The following ORC1 variants were observed in gnomAD, a reference collection of about 807,000 sequenced individuals.
ORC1 encodes the protein origin recognition complex, subunit 1 homolog.
ORC1 carries 61 observed loss-of-function variants against 98.9 expected under a neutral mutation model. That is an observed-to-expected ratio of 0.62 (90% CI 0.50 to 0.76). The LOEUF is 0.76. Among genes scored for constraint, ORC1 ranks in the 30% least tolerant of loss-of-function variants. ORC1 has a pLI of 0.00. For missense variants in ORC1, 979 were observed against 1,072.2 expected (o/e 0.91, Z 1.21); for synonymous variants, 385 against 406.9 (o/e 0.95, Z 0.65).
upstream of ORC1, chr1:52,404,640 C>G (rs1263571311): frequency 8.0e-7 from 1 of 1,245,546 alleles, no homozygotes; most frequent in African/African-American, 1.5e-5. Flanking sequence ...GTCGCCTAAG[C>G]TGTTTAGTGA....
intron 2 of ORC1, 137 bp from the exon 3 acceptor site, chr1:52,401,626 C>G (rs1311241225): frequency 3.9e-6 from 4 of 1,020,584 alleles, no homozygotes; most frequent in Non-Finnish European, 6.0e-6. Context: ...GAAACCAATT[C>G]GCCCAGTTAT....
rs761844585 is a variant in ORC1 at position 52,385,935 on chromosome 1, C to A, written c.1398G>T (p.Thr466=). Reference sequence around the variant, plus strand: ...GGATCTGAGGAGCGGCACAACGTGGCGTTCTAGGCTTGAGCTGTATTGAAA... The same window carrying A: ...GGATCTGAGGAGCGGCACAACGTGGAGTTCTAGGCTTGAGCTGTATTGAAA... ...KVPKKSLKPR[T]PRCAAPQIRS... is the part of the protein sequence containing the mutation. The change falls in exon 9 of 17, where the codon ACG becomes ACT. Residue 466 remains threonine, a synonymous_variant. Coordinates refer to ENST00000371568, the MANE Select transcript of ORC1 (RefSeq NM_004153.4). 1.4e-5 allele frequency: 23 copies of A among 1,613,184 alleles called. No individual in the cohort carries two copies. The highest frequency in any genetic ancestry group is 1.9e-5 in the Non-Finnish European group (23 of 1,179,764).
chr1:52,392,953 T>G (rs6700516), intron 6 of ORC1, among the ~76,000 whole-genome samples: 75 of 152,286 alleles, frequency 4.9e-4, no homozygotes, highest in Non-Finnish European at 9.7e-4. Flanking sequence ...TAGGGTACAA[T>G]GTACACTGGT....
intron 3 of ORC1, among the ~76,000 whole-genome samples, chr1:52,400,781 T>C (rs901638052): frequency 1.3e-5 from 2 of 152,190 alleles, no homozygotes; most frequent in Non-Finnish European, 2.9e-5. Flanking sequence ...TTCCCTTTTG[T>C]TCCTCCAGCC....
upstream of ORC1, chr1:52,404,471 T>A (rs115659270): frequency 9.1e-6 from 3 of 328,202 alleles, no homozygotes; most frequent in East Asian, 6.7e-5. Context: ...CCCCAGACCG[T>A]CCCTTCGTTG....
intron 4 of ORC1, 109 bp downstream of exon 4, chr1:52,397,576 T>G: frequency 1.0e-6 from 1 of 977,976 alleles, no homozygotes; most frequent in South Asian, 1.3e-5. Context: ...CAGGAAATAA[T>G]GCATTCCCTA....
chr1:52,384,301 C>T (rs985047904), intron 11 of ORC1, among the ~76,000 whole-genome samples: 1 of 152,316 alleles, frequency 6.6e-6, no homozygotes, highest in African/African-American at 2.4e-5. Flanking sequence ...CACACTGCTA[C>T]CTGTAAGCTC....
rs767562141 is a variant in ORC1, at chr1:52,388,541, T to TG, written c.1283dup (p.Pro429ThrfsTer37). ...TGGGTGCTCTCCTTGGAAGGGGCGG[T>TG]GTGGAAGCCTCTTCTTCGTCACTGC... On this transcript the variant is annotated frameshift_variant, in exon 8 of 17. Coordinates refer to ENST00000371568, the MANE Select transcript of ORC1 (RefSeq NM_004153.4). LOFTEE classifies it high-confidence loss of function. 2 of 1,613,944 alleles carry TG rather than the reference T, an allele frequency of 1.2e-6. No individual in the cohort carries two copies. The highest frequency in any genetic ancestry group is 2.2e-5 in the South Asian group (2 of 91,070).
At chr1:52,380,688 C>T (rs1265231307) in intron 14 of ORC1, among the ~76,000 whole-genome samples, 1 of 146,988 alleles carries the variant, frequency 6.8e-6, no homozygotes, top group Non-Finnish European at 1.5e-5. Flanking sequence ...GAGTGAGATG[C>T]TGTTTCAAAA....
Position 52,386,789 on chromosome 1 carries a change from A to G in ORC1, c.1384-840T>C, listed in dbSNP as rs12046071. ...ACAGCCTGGGCAACACAGAGGTGAAAGCCCCCTCTAAATTAGCTAGGCATG... is the reference window on the plus strand; with the variant it reads ...ACAGCCTGGGCAACACAGAGGTGAAGGCCCCCTCTAAATTAGCTAGGCATG... On this transcript the variant is annotated intron_variant, in intron 8 of 16. Coordinates refer to ENST00000371568, the MANE Select transcript of ORC1 (RefSeq NM_004153.4). Among the ~76,000 whole-genome samples the G allele has an allele frequency of 9.3e-3, 1,420 of 152,114 alleles. 64 individuals are homozygous for G. In the East Asian group the frequency reaches 0.12, roughly 13 times the overall value.
intron 14 of ORC1, among the ~76,000 whole-genome samples, chr1:52,380,463 A>G (rs1344118224): frequency 6.6e-6 from 1 of 152,240 alleles, no homozygotes; most frequent in African/African-American, 2.4e-5. Flanking sequence ...TGGGAGGCCA[A>G]GGTGGGTGGA....
chr1:52,378,994 C>G (rs1647028937), intron 14 of ORC1, among the ~76,000 whole-genome samples: 1 of 151,716 alleles, frequency 6.6e-6, no homozygotes, highest in African/African-American at 2.4e-5. Context: ...GATTGTGCCA[C>G]TGCACTCCAG....
upstream of ORC1, chr1:52,405,871 G>A: frequency 1.9e-6 from 3 of 1,601,482 alleles, no homozygotes; most frequent in Non-Finnish European, 2.6e-6. Flanking sequence ...TAATATAAGA[G>A]GTTTAATTTT....
upstream of ORC1, among the ~76,000 whole-genome samples, chr1:52,407,456 C>T (rs1239945644): frequency 4.6e-5 from 7 of 152,204 alleles, no homozygotes; most frequent in Non-Finnish European, 7.3e-5. Context: ...GCATTATCTC[C>T]GTTTTACAAG....
intron 6 of ORC1, among the ~76,000 whole-genome samples, chr1:52,391,894 G>A (rs1389939694): frequency 2.8e-5 from 4 of 143,040 alleles, no homozygotes; most frequent in Non-Finnish European, 4.5e-5. Context: ...CAAGACTCCC[G>A]CTCAAAAAAA....
At chr1:52,389,402 G>C (rs976834436) in intron 6 of ORC1, 81 bp from the exon 7 acceptor site, 2 of 917,126 alleles carry the variant, frequency 2.2e-6, no homozygotes, top group Non-Finnish European at 3.6e-6. Context: ...TAGTCAAGTG[G>C]CCTGATTGGC....
intron 6 of ORC1, among the ~76,000 whole-genome samples, chr1:52,391,497 G>A (rs1356889121): frequency 6.6e-6 from 1 of 152,150 alleles, no homozygotes; most frequent in Non-Finnish European, 1.5e-5. Context: ...ACAACCCACA[G>A]AGTGGGAGAA....
At position 52,383,541 on chromosome 1, in the gene ORC1, T is replaced by C. The variant is rs1569920462; in HGVS notation, c.1892A>G (p.Asp631Gly). The change falls in exon 13 of 17, where the codon GAC becomes GGC. Residue 631 changes from aspartate to glycine, a missense_variant. Coordinates refer to ENST00000371568, the MANE Select transcript of ORC1 (RefSeq NM_004153.4). ...ELDLLWTHKQ[D>G]IMYNLFDWPT... ...CCAGTCAAAGAGATTGTACATTATG[T>C]CTTGTTTGTGAGTCCACAGAAGGTC... 1 of 1,613,906 alleles carries C rather than the reference T, an allele frequency of 6.2e-7. No individual in the cohort carries two copies. The highest frequency in any genetic ancestry group is 8.5e-7 in the Non-Finnish European group (1 of 1,180,040).
intron 7 of ORC1, among the ~76,000 whole-genome samples, 192 bp downstream of exon 7, chr1:52,389,025 A>C (rs1647178392): frequency 1.3e-5 from 2 of 152,210 alleles, no homozygotes; most frequent in South Asian, 4.1e-4. Context: ...GGAGTCACCT[A>C]AGCCCAGGAA....
Sources: gnomAD v4.1 joint callset for allele counts (sites outside exome capture counted in the v4.1 genomes callset) on GRCh38, gnomAD v4.1.1 for gene constraint, MANE v1.5 for transcripts, NCBI Gene and HGNC (gene_info 2026-07-23, HGNC 2026-07-21) for gene names.